Variants in VRK2 observed in about 807,000 individuals in gnomAD.
The protein encoded by VRK2 is serine/threonine-protein kinase VRK2.
VRK2 carries 60 observed loss-of-function variants against 57.6 expected under a neutral mutation model. The ratio of observed to expected loss-of-function variants is 1.04; its 90% CI spans 0.85 to 1.29. The LOEUF (loss-of-function observed/expected upper bound fraction) is 1.29, where lower values mean the gene tolerates loss of function less well. Ranked by LOEUF, VRK2 falls within the 50% of genes most tolerant of loss-of-function variation. The pLI, the probability that VRK2 is intolerant of heterozygous loss-of-function variation, is 0.00. For missense variants in VRK2, 705 were observed against 588.1 expected (o/e 1.20, Z -2.06); for synonymous variants, 231 against 199.2 (o/e 1.16, Z -1.35).
intron 7 of VRK2, among the ~76,000 whole-genome samples, chr2:58,122,627 A>G (rs977245364): frequency 2.0e-5 from 3 of 152,222 alleles, no homozygotes; most frequent in African/African-American, 7.2e-5. Flanking sequence ...CACAAAATCC[A>G]CATATAAGTG....
At chr2:58,097,896 TA>T (rs140627730) in intron 7 of VRK2, among the ~76,000 whole-genome samples, 13,311 of 151,328 alleles carry the variant, frequency 0.088, 653 homozygotes, top group East Asian at 0.17. Context: ...TCTACTTATA[TA>T]AAAAAAAAGT....
chr2:58,076,090 T>C (rs1015494782), intron 2 of VRK2, among the ~76,000 whole-genome samples: 6 of 150,454 alleles, frequency 4.0e-5, no homozygotes, highest in African/African-American at 1.5e-4. Context: ...AAGAGCCTTC[T>C]AATAGCTACT....
chr2:58,159,225 A>AAAAT (rs1286115837), intron 12 of VRK2, 124 bp from the exon 13 acceptor site: 1 of 716,050 alleles, frequency 1.4e-6, no homozygotes, highest in African/African-American at 1.8e-5. Flanking sequence ...CTTCTCAGGA[A>AAAAT]AAATAACACG....
rs1428072409 is a variant in VRK2 at position 58,049,605 on chromosome 2, A to G, written c.136+638A>G. Among the ~76,000 whole-genome samples the G allele has an allele frequency of 5.9e-5, 9 of 152,296 alleles. 1 individual carries two copies. The South Asian group carries it at 1.4e-3, about 25-fold the overall frequency. ...TAAAAATTACACTGAACTTTAATGG[A>G]TCATTGAGTTGGAATGAGGAGGGGA... On this transcript the variant is annotated intron_variant, in intron 2 of 12. Transcript: ENST00000340157.
chr2:57,990,807 G>C (rs2104080675), intron 1 of VRK2, among the ~76,000 whole-genome samples: 1 of 152,076 alleles, frequency 6.6e-6, no homozygotes, highest in African/African-American at 2.4e-5. Flanking sequence ...GACTCAGTAT[G>C]TAATCTGTTC....
chr2:58,138,409 A>G (rs1328930663), intron 10 of VRK2, among the ~76,000 whole-genome samples: 1 of 152,184 alleles, frequency 6.6e-6, no homozygotes, highest in Non-Finnish European at 1.5e-5. Flanking sequence ...AACAGGTTGC[A>G]TAATTGCTAC....
intron 1 of VRK2, among the ~76,000 whole-genome samples, chr2:58,011,624 A>G (rs1673421060): frequency 6.6e-6 from 1 of 152,152 alleles, no homozygotes; most frequent in Non-Finnish European, 1.5e-5. Flanking sequence ...TAAGATGGTA[A>G]GAGATATATT....
upstream of VRK2, chr2:58,046,471 G>T (rs993226845): frequency 1.0e-6 from 1 of 982,866 alleles, no homozygotes; most frequent in African/African-American, 1.7e-5. Context: ...CTCAGGTTGT[G>T]GTACAGGAGA....
chr2:58,095,539 CAG>C (rs1673013233), intron 7 of VRK2, among the ~76,000 whole-genome samples: 2 of 151,816 alleles, frequency 1.3e-5, no homozygotes, highest in African/African-American at 4.8e-5. Context: ...TTGATATTGT[CAG>C]TGGATTTATT....
At chr2:58,030,279 C>T (rs988289938) in intron 2 of VRK2, among the ~76,000 whole-genome samples, 2 of 152,048 alleles carry the variant, frequency 1.3e-5, no homozygotes, top group African/African-American at 2.4e-5. Flanking sequence ...TTTAAATAAT[C>T]TAAATGTCTT....
At chr2:57,998,323 A>C (rs1370163578) in intron 1 of VRK2, among the ~76,000 whole-genome samples, 2 of 152,238 alleles carry the variant, frequency 1.3e-5, no homozygotes. Flanking sequence ...TAAGCAATTG[A>C]TATCTAATAC....
intron 1 of VRK2, among the ~76,000 whole-genome samples, chr2:58,016,724 AT>A (rs940266358): frequency 2.6e-5 from 4 of 152,138 alleles, no homozygotes; most frequent in Non-Finnish European, 4.4e-5. Context: ...AAATTGTTGC[AT>A]TTTTATAGAC....
chr2:58,026,306 G>C (rs764548771), intron 2 of VRK2, among the ~76,000 whole-genome samples: 2 of 151,972 alleles, frequency 1.3e-5, no homozygotes, highest in Non-Finnish European at 2.9e-5. Flanking sequence ...ACACACATGT[G>C]CACATGTGTG....
At chr2:58,137,090 G>GTTTATATATATCATATATCA (rs1680315102) in intron 10 of VRK2, among the ~76,000 whole-genome samples, 4 of 120,094 alleles carry the variant, frequency 3.3e-5, no homozygotes, top group South Asian at 2.4e-4. Flanking sequence ...ATATATATGT[G>GTTTATATATATCATATATCA]TATATATCAT....
intron 2 of VRK2, among the ~76,000 whole-genome samples, chr2:58,073,238 T>G (rs943103801): frequency 1.3e-5 from 2 of 152,092 alleles, no homozygotes; most frequent in Non-Finnish European, 2.9e-5. Context: ...GTTTTCTGTC[T>G]TAGTGAATAT....
chr2:58,013,703 C>G (rs1404821366), intron 1 of VRK2, among the ~76,000 whole-genome samples: 1 of 151,026 alleles, frequency 6.6e-6, no homozygotes, highest in Non-Finnish European at 1.5e-5. Context: ...ACTAAAAATA[C>G]AAAAAATTAG....
intron 2 of VRK2, among the ~76,000 whole-genome samples, chr2:58,083,664 G>T (rs1220011082): frequency 6.6e-6 from 1 of 151,678 alleles, no homozygotes; most frequent in Non-Finnish European, 1.5e-5. Context: ...GAATCATTAT[G>T]AGTTCTAATT....
At chr2:58,151,260 C>T (rs1682978233) in intron 12 of VRK2, among the ~76,000 whole-genome samples, 2 of 151,702 alleles carry the variant, frequency 1.3e-5, no homozygotes, top group African/African-American at 4.8e-5. Flanking sequence ...GATTTTGATG[C>T]TGTTATTAGG....
chr2:58,087,118 G>C (rs2165105), intron 5 of VRK2, among the ~76,000 whole-genome samples: 36,132 of 151,904 alleles, frequency 0.24, 4,823 homozygotes, highest in African/African-American at 0.36. Flanking sequence ...GAAAAAAAGT[G>C]TGTCATTTTA....
Sources: gnomAD v4.1 joint callset for allele counts (sites outside exome capture counted in the v4.1 genomes callset) on GRCh38, gnomAD v4.1.1 for gene constraint, MANE v1.5 for transcripts, NCBI Gene and HGNC (gene_info 2026-07-23, HGNC 2026-07-21) for gene names.